RAPGEF1: variants seen among roughly 807,000 people sequenced by gnomAD.
The protein encoded by RAPGEF1 is CRK SH3-binding GNRP.
RAPGEF1 carries 33 observed loss-of-function variants against 143.3 expected under a neutral mutation model. The ratio of observed to expected loss-of-function variants is 0.23; its 90% CI spans 0.17 to 0.31. The LOEUF (loss-of-function observed/expected upper bound fraction) is 0.31, where lower values mean the gene tolerates loss of function less well. Ranked by LOEUF, RAPGEF1 falls within the 10% of genes least tolerant of loss-of-function variation. RAPGEF1 has a pLI of 1.00. For missense variants in RAPGEF1, 1,199 were observed against 1,645.4 expected (o/e 0.73, Z 4.69); for synonymous variants, 629 against 676.5 (o/e 0.93, Z 1.09).
In RAPGEF1 at chr9:131,675,367, G is replaced by A. The variant is rs1832150034; in HGVS notation, c.62-24418C>T. On this transcript the variant is annotated intron_variant, in intron 1 of 26. Transcript: ENST00000683357. The surrounding 1 kb of genome is among the most constrained non-coding windows in gnomAD (Gnocchi z 4.6). ...GTGGAGGAGGGCTCTGCGGGAGCAG[G>A]GAGCCCGGCAGCTTCCTGCGGGTGC... Among the ~76,000 whole-genome samples, 1 of 152,208 alleles carries A rather than the reference G, an allele frequency of 6.6e-6. No individual in the cohort carries two copies. Among genetic ancestry groups the A allele is most frequent in the Non-Finnish European group, 1.5e-5 (1 of 68,036 alleles).
chr9:131,628,332 G>A lies in RAPGEF1; in HGVS notation c.1017+217C>T, dbSNP rs756353937. 3.3e-5 allele frequency among the ~76,000 whole-genome samples: 5 copies of A among 152,186 alleles called. No homozygotes were observed. The highest frequency in any genetic ancestry group is 2.0e-4 in the Admixed American group (3 of 15,292). On this transcript the variant is annotated intron_variant, in intron 8 of 26. Coordinates refer to ENST00000683357, the MANE Select transcript of RAPGEF1 (RefSeq NM_001377935.1). The surrounding 1 kb of genome is among the most constrained non-coding windows in gnomAD (Gnocchi z 5.7). The stretch of plus-strand genomic sequence containing the variant: ...CTGGACTCACCTATCCCCAGGAGAC[G>A]CCCTTTGGCTCTGCCCTCCCTGCCC...
At chr9:131,708,353 G>C (rs1186181157) in intron 1 of RAPGEF1, among the ~76,000 whole-genome samples, 1 of 152,200 alleles carries the variant, frequency 6.6e-6, no homozygotes, top group Admixed American at 6.5e-5. Flanking sequence ...CAGCCGGCCG[G>C]TCTCCTGGGT....
chr9:131,590,112 A>C, intron 18 of RAPGEF1, 134 bp from the exon 19 acceptor site: 1 of 762,712 alleles, frequency 1.3e-6, no homozygotes, highest in Non-Finnish European at 2.2e-6. Context: ...GCATCCAGAA[A>C]CGAGGGCACG....
chr9:131,700,378 C>T (rs1235261791), intron 1 of RAPGEF1, among the ~76,000 whole-genome samples: 1 of 152,192 alleles, frequency 6.6e-6, no homozygotes, highest in Admixed American at 6.5e-5. Context: ...AACTAACAAC[C>T]CTCTTCCCCT....
intron 12 of RAPGEF1, among the ~76,000 whole-genome samples, chr9:131,617,795 G>A (rs956979075): frequency 2.6e-5 from 4 of 152,174 alleles, no homozygotes; most frequent in Non-Finnish European, 5.9e-5. Flanking sequence ...TCTTTGGCGG[G>A]GGGCCATGGG....
In RAPGEF1 at chr9:131,577,755, A is replaced by C. The variant is rs1951362583; in HGVS notation, c.*1742T>G. The C allele has an allele frequency of 6.6e-6, 1 of 152,226 alleles. No homozygotes were observed. The highest frequency in any genetic ancestry group is 6.5e-5 in the Admixed American group (1 of 15,284). The allele number at this position is 152,226 out of a possible 1,614,324, so 9.4% of individuals were successfully genotyped here. A position where few individuals can be genotyped will look rare whatever the true frequency, so the allele number is the denominator to read the frequency against. ...AGCGACTCTACACACACACTCCTTAAATAATAAAGTGACAGGTCCCGGCTG... is the reference window on the plus strand; with the variant it reads ...AGCGACTCTACACACACACTCCTTACATAATAAAGTGACAGGTCCCGGCTG... On this transcript the variant is annotated 3_prime_UTR_variant, in exon 27 of 27. Coordinates refer to ENST00000683357, the MANE Select transcript of RAPGEF1 (RefSeq NM_001377935.1).
intron 1 of RAPGEF1, among the ~76,000 whole-genome samples, chr9:131,716,257 TAC>T (rs1835856638): frequency 6.6e-6 from 1 of 152,026 alleles, no homozygotes; most frequent in Non-Finnish European, 1.5e-5. Context: ...CCCCCAATGA[TAC>T]AGTTTCTGGC....
chr9:131,641,584 T>C lies in RAPGEF1; in HGVS notation c.494+1655A>G, dbSNP rs1967989907. On this transcript the variant is annotated intron_variant, in intron 4 of 26. Transcript: ENST00000683357. The surrounding 1 kb of genome is among the most constrained non-coding windows in gnomAD (Gnocchi z 4.6). ...CGTAGAACAGAGGGAGCTGATTTGT[T>C]TCAACTAGGCTTTAACTATTCCAAG... Among the ~76,000 whole-genome samples the C allele has an allele frequency of 6.6e-6, 1 of 152,220 alleles. No individual in the cohort carries two copies. Among genetic ancestry groups the C allele is most frequent in the African/African-American group, 2.4e-5 (1 of 41,464 alleles).
At chr9:131,695,136 C>T (rs1467591815) in intron 1 of RAPGEF1, among the ~76,000 whole-genome samples, 1 of 152,144 alleles carries the variant, frequency 6.6e-6, no homozygotes. Context: ...TAAAACAATG[C>T]CTGGCATGCA....
rs1458655947 is a variant in RAPGEF1, at chr9:131,641,755, G to C, written c.494+1484C>G. 2.0e-5 allele frequency among the ~76,000 whole-genome samples: 3 copies of C among 152,208 alleles called. No individual in the cohort carries two copies. The highest frequency in any genetic ancestry group is 1.3e-4 in the Admixed American group (2 of 15,286). Reference sequence around the variant, plus strand: ...AGAGCCGGAGCTGGACTGACTCTGGGAAAGACAGTGAAGACAAGCATGCCC... The same window carrying C: ...AGAGCCGGAGCTGGACTGACTCTGGCAAAGACAGTGAAGACAAGCATGCCC... On this transcript the variant is annotated intron_variant, in intron 4 of 26. Transcript: ENST00000683357. The surrounding 1 kb of genome is among the most constrained non-coding windows in gnomAD (Gnocchi z 4.6).
At chr9:131,677,474 T>C (rs1027039550) in intron 1 of RAPGEF1, among the ~76,000 whole-genome samples, 2 of 152,198 alleles carry the variant, frequency 1.3e-5, no homozygotes, top group Non-Finnish European at 2.9e-5. Context: ...CATTCCTTTC[T>C]CCTAAAACTA....
chr9:131,732,791 T>G (rs1356553612), intron 1 of RAPGEF1, among the ~76,000 whole-genome samples: 1 of 152,202 alleles, frequency 6.6e-6, no homozygotes, highest in Non-Finnish European at 1.5e-5. Flanking sequence ...ATTCACTCAT[T>G]CTTTTAGTAA....
chr9:131,626,465 C>A, intron 9 of RAPGEF1, 43 bp from the exon 10 acceptor site: 3 of 1,515,360 alleles, frequency 2.0e-6, no homozygotes, highest in Non-Finnish European at 1.8e-6. Flanking sequence ...TAGCCACAGG[C>A]CCTGCAGGAG....
intron 19 of RAPGEF1, 112 bp downstream of exon 19, chr9:131,589,774 G>A (rs1447541950): frequency 1.0e-6 from 1 of 1,004,718 alleles, no homozygotes; most frequent in Non-Finnish European, 1.5e-6. Flanking sequence ...AAAGGACCAA[G>A]ATAGAGCAGG....
At chr9:131,727,632 C>T (rs943503197) in intron 1 of RAPGEF1, among the ~76,000 whole-genome samples, 1 of 152,184 alleles carries the variant, frequency 6.6e-6, no homozygotes, top group Non-Finnish European at 1.5e-5. Context: ...CTCAGCAGTA[C>T]GTGCATTTCT....
chr9:131,593,773 G>C (rs1326691677), intron 17 of RAPGEF1, among the ~76,000 whole-genome samples: 1 of 152,166 alleles, frequency 6.6e-6, no homozygotes, highest in Non-Finnish European at 1.5e-5. Context: ...CTCATTCCTC[G>C]GCCCCCACAC....
At chr9:131,726,817 A>G (rs962492666) in intron 1 of RAPGEF1, among the ~76,000 whole-genome samples, 5 of 152,102 alleles carry the variant, frequency 3.3e-5, no homozygotes, top group African/African-American at 1.2e-4. Flanking sequence ...CCTGGCAAAC[A>G]TAGGGAAACC....
chr9:131,622,054 C>G, intron 10 of RAPGEF1, 56 bp from the exon 11 acceptor site: 1 of 1,519,266 alleles, frequency 6.6e-7, no homozygotes, highest in Middle Eastern at 1.7e-4. Flanking sequence ...ATCAGGGAAC[C>G]CCTCCCCCCA....
chr9:131,738,790 C>T (rs1837574474), intron 1 of RAPGEF1, among the ~76,000 whole-genome samples: 1 of 152,210 alleles, frequency 6.6e-6, no homozygotes, highest in Non-Finnish European at 1.5e-5. Flanking sequence ...CTTGTGGGTC[C>T]GCTGCAGGGG....
Sources: allele counts gnomAD v4.1 joint callset (sites outside exome capture counted in the v4.1 genomes callset), GRCh38; gene constraint gnomAD v4.1.1; non-coding constraint Gnocchi (gnomAD v3.1); transcripts MANE v1.5; gene names NCBI Gene and HGNC (gene_info 2026-07-23, HGNC 2026-07-21).